C3orf62: variants seen among roughly 807,000 people sequenced by gnomAD.
C3orf62 encodes chromosome 3 open reading frame 62, also known as uncharacterized protein C3orf62.
In C3orf62, 16 loss-of-function variants were observed where a neutral mutation model predicts 21.7. That is an observed-to-expected ratio of 0.74 (90% CI 0.50 to 1.12). The LOEUF (loss-of-function observed/expected upper bound fraction) is 1.12. Among genes scored for constraint, C3orf62 ranks in the 50% most tolerant of loss-of-function variants. C3orf62 has a pLI of 0.00. For synonymous variants in C3orf62, 114 were observed against 117.0 expected, an observed-to-expected ratio of 0.97 and a Z score of 0.17; for missense variants, 310 against 318.8, an observed-to-expected ratio of 0.97 and a Z score of 0.21.
At chr3:49,271,936 A>AC (rs1559458986) in intron 2 of C3orf62, among the ~76,000 whole-genome samples, 6 of 150,768 alleles carry the variant, frequency 4.0e-5, no homozygotes, top group Non-Finnish European at 8.9e-5. Context: ...AAAAAAAAAA[A>AC]ACAAAAAAAC....
chr3:49,275,720 CAG>C (rs2046953098), intron 1 of C3orf62, among the ~76,000 whole-genome samples: 1 of 151,520 alleles, frequency 6.6e-6, no homozygotes, highest in South Asian at 2.1e-4. Flanking sequence ...TTAGTAGAGA[CAG>C]AGTTTCACCG....
chr3:49,272,534 C>CTTTTTTTTTTTTTTTTTTT (rs746086446), intron 2 of C3orf62, among the ~76,000 whole-genome samples: 2 of 51,810 alleles, frequency 3.9e-5, no homozygotes, highest in African/African-American at 8.6e-5. Flanking sequence ...TTCTCCTAAT[C>CTTTTTTTTTTTTTTTTTTT]TTTTTTTTTT....
chr3:49,275,560 T>C (rs1416653449), intron 1 of C3orf62, among the ~76,000 whole-genome samples: 2 of 116,774 alleles, frequency 1.7e-5, no homozygotes, highest in African/African-American at 6.6e-5. Flanking sequence ...ATACGGAGTC[T>C]CGCTCTGTCG....
intron 2 of C3orf62, among the ~76,000 whole-genome samples, chr3:49,273,713 TGGCAA>T (rs1057209258): frequency 2.6e-5 from 4 of 152,002 alleles, no homozygotes; most frequent in African/African-American, 7.2e-5. Flanking sequence ...TGGAGTGCAG[TGGCAA>T]GATCTCAGCT....
intron 1 of C3orf62, chr3:49,274,341 C>G: frequency 1.8e-6 from 1 of 548,786 alleles, no homozygotes; most frequent in Non-Finnish European, 3.3e-6. Context: ...TAATGACTCA[C>G]GAGCATCGCA....
At chr3:49,273,937 A>C in intron 2 of C3orf62, 112 bp downstream of exon 2, 1 of 765,852 alleles carries the variant, frequency 1.3e-6, no homozygotes, top group Non-Finnish European at 2.3e-6. Flanking sequence ...TACAGGCATG[A>C]ACCACCGTGC....
In C3orf62 at chr3:49,276,849, C is replaced by T. The variant is rs1206489920; in HGVS notation, c.24G>A (p.Ser8=). 1.9e-6 allele frequency: 3 copies of T among 1,612,586 alleles called. No homozygotes were observed. The highest frequency in any genetic ancestry group is 2.5e-6 in the Non-Finnish European group (3 of 1,179,616). The part of the protein sequence containing the change: MHYIKTW[S]LLGEMSEKLR... ...GTTTTTCAGACATTTCTCCTAAAAG[C>T]GACCATGTCTTTATGTAATGCATTG... The change falls in exon 1 of 3, where the codon TCG becomes TCA. Residue 8 remains serine (S), a synonymous_variant. Transcript: ENST00000343010.
Position 49,269,372 on chromosome 3 carries a change from A to G in C3orf62, c.*1808T>C, listed in dbSNP as rs921247676. The G allele has an allele frequency of 2.0e-5, 3 of 152,196 alleles. No homozygotes were observed. The highest frequency in any genetic ancestry group is 2.4e-5 in the African/African-American group (1 of 41,438). 9.4% of individuals were successfully genotyped at this position (152,196 alleles called of 1,614,324 possible). ...AATATGGGGGTAAGGACAGGAATTA[A>G]GCTCCACCTCGTCTATAGAAGAGTG... On this transcript the variant is annotated 3_prime_UTR_variant, in exon 3 of 3. Coordinates refer to ENST00000343010, the MANE Select transcript of C3orf62 (RefSeq NM_198562.3).
chr3:49,275,231 G>A (rs372599293), intron 1 of C3orf62, among the ~76,000 whole-genome samples: 2 of 150,260 alleles, frequency 1.3e-5, no homozygotes, highest in South Asian at 4.2e-4. Flanking sequence ...CTCCTGCCTC[G>A]GCCTCCCAAG....
chr3:49,275,519 GTTTTTT>G (rs59375945), intron 1 of C3orf62, among the ~76,000 whole-genome samples: 16 of 69,298 alleles, frequency 2.3e-4, no homozygotes, highest in South Asian at 7.4e-4. Context: ...GAACTTTGAA[GTTTTTT>G]TTTTTTTTTT....
rs746086446 is a variant in C3orf62, at chr3:49,272,534, C to CTTTT, written c.539-1093_539-1090dup. Among the ~76,000 whole-genome samples, 422 of 51,842 alleles carry CTTTT rather than the reference C, an allele frequency of 8.1e-3. 114 individuals are homozygous for CTTTT. Among genetic ancestry groups the CTTTT allele is most frequent in the African/African-American group, 0.026 (302 of 11,714 alleles). The allele number at this position is 51,842 out of a possible 152,430, so 34.0% of individuals were successfully genotyped here. On this transcript the variant is annotated intron_variant, in intron 2 of 2. Coordinates refer to ENST00000343010, the MANE Select transcript of C3orf62 (RefSeq NM_198562.3). ...TTTGACTTCTAATTTTTCTCCTAAT[C>CTTTT]TTTTTTTTTTTTTTTTTTTTTTTTT...
chr3:49,273,812 C>T (rs1205020232), intron 2 of C3orf62, among the ~76,000 whole-genome samples: 3 of 152,066 alleles, frequency 2.0e-5, no homozygotes, highest in East Asian at 1.9e-4. Flanking sequence ...TGCACCACCA[C>T]GCCTGGCTAA....
At chr3:49,272,532 A>ATAT (rs1186511009) in intron 2 of C3orf62, among the ~76,000 whole-genome samples, 4 of 69,148 alleles carry the variant, frequency 5.8e-5, no homozygotes, top group African/African-American at 2.2e-4. Flanking sequence ...TTTTCTCCTA[A>ATAT]TCTTTTTTTT....
intron 1 of C3orf62, among the ~76,000 whole-genome samples, chr3:49,275,633 C>G (rs2046952001): frequency 7.2e-6 from 1 of 139,830 alleles, no homozygotes; most frequent in South Asian, 2.4e-4. Context: ...CGGGTTCATG[C>G]CATTCTCCTG....
At chr3:49,276,302 C>CAG in intron 1 of C3orf62, 125 bp downstream of exon 1, 1 of 847,866 alleles carries the variant, frequency 1.2e-6, no homozygotes, top group South Asian at 1.8e-5. Context: ...TCCCCAAATG[C>CAG]AGTCACAGAG....
At chr3:49,271,746 GA>G (rs1003614483) in intron 2 of C3orf62, among the ~76,000 whole-genome samples, 5 of 148,900 alleles carry the variant, frequency 3.4e-5, no homozygotes, top group Non-Finnish European at 6.0e-5. Flanking sequence ...GACACAATGT[GA>G]AAAAAAAACA....
intron 2 of C3orf62, 119 bp downstream of exon 2, chr3:49,273,930 A>C: frequency 2.8e-6 from 2 of 713,660 alleles, no homozygotes; most frequent in Non-Finnish European, 5.0e-6. Context: ...CTGGGATTAC[A>C]GGCATGAACC....
Position 49,271,439 on chromosome 3 carries a change from G to A in C3orf62, c.545C>T (p.Thr182Ile), listed in dbSNP as rs770585325. Residue 182 changes from threonine (T) to isoleucine (I), a missense_variant, in exon 3 of 3, where the codon ACA becomes ATA. Thr to Ile is a moderately conservative substitution (Grantham distance 89, BLOSUM62 -1). Transcript: ENST00000343010. ...CAATTCTTCAATAGTTCGGATGCTT[G>A]TATGGTCTTAAAAATAAGAACATTC... ...TKDLLDMIDH[T>I]SIRTIEELAG... 2.5e-6 allele frequency: 4 copies of A among 1,610,954 alleles called. No individual in the cohort carries two copies. The highest frequency in any genetic ancestry group is 3.4e-6 in the Non-Finnish European group (4 of 1,177,904).
rs1206489920 is a variant in C3orf62 at position 49,276,849 on chromosome 3, C to A, written c.24G>T (p.Ser8=). ...GTTTTTCAGACATTTCTCCTAAAAG[C>A]GACCATGTCTTTATGTAATGCATTG... is the stretch of plus-strand genomic sequence containing the variant. MHYIKTW[S]LLGEMSEKLR... Residue 8 remains serine, a synonymous_variant, in exon 1 of 3, where the codon TCG becomes TCT. Transcript: ENST00000343010. The A allele has an allele frequency of 1.9e-6, 3 of 1,612,586 alleles. No individual in the cohort carries two copies. The highest frequency in any genetic ancestry group is 2.5e-6 in the Non-Finnish European group (3 of 1,179,616).
Sources: allele counts gnomAD v4.1 joint callset (sites outside exome capture counted in the v4.1 genomes callset), GRCh38; gene constraint gnomAD v4.1.1; transcripts MANE v1.5; gene names NCBI Gene and HGNC (gene_info 2026-07-23, HGNC 2026-07-21).